The following TSPAN3 variants were observed in gnomAD, a reference collection of about 807,000 sequenced individuals.
TSPAN3 encodes tetraspanin 3.
Under a neutral mutation model 31.1 loss-of-function variants are expected in TSPAN3, and 9 were observed. That is an observed-to-expected ratio of 0.29 (90% CI 0.17 to 0.50). The LOEUF (loss-of-function observed/expected upper bound fraction) is 0.50. Ranked by LOEUF, TSPAN3 falls within the 20% of genes least tolerant of loss-of-function variation. The pLI, the probability that TSPAN3 is intolerant of heterozygous loss-of-function variation, is 0.98. For synonymous variants in TSPAN3, 129 were observed against 114.3 expected, an observed-to-expected ratio of 1.13 and a Z score of -0.82; for missense variants, 252 against 313.5, an observed-to-expected ratio of 0.80 and a Z score of 1.48.
chr15:77,051,526 C>T (rs971652205), intron 6 of TSPAN3, among the ~76,000 whole-genome samples: 5 of 142,486 alleles, frequency 3.5e-5, no homozygotes, highest in African/African-American at 1.0e-4. Context: ...AAAACTCTGT[C>T]GTAAAAAAAA....
intron 1 of TSPAN3, among the ~76,000 whole-genome samples, chr15:77,066,457 A>G (rs1342230205): frequency 6.6e-6 from 1 of 151,154 alleles, no homozygotes; most frequent in East Asian, 2.0e-4. Context: ...CTGTAGTCCC[A>G]GCTACTCGGG....
At chr15:77,067,478 T>C (rs1237802449) in intron 1 of TSPAN3, among the ~76,000 whole-genome samples, 4 of 152,204 alleles carry the variant, frequency 2.6e-5, no homozygotes, top group African/African-American at 9.7e-5. Context: ...CAATTAAACT[T>C]TGACCCTTGT....
In TSPAN3 at chr15:77,066,571, C is replaced by CAAA. The variant is rs35737479; in HGVS notation, c.63+4318_63+4320dup. Among the ~76,000 whole-genome samples, 94 of 59,376 alleles carry CAAA rather than the reference C, an allele frequency of 1.6e-3. 2 individuals are homozygous for CAAA. The highest frequency in any genetic ancestry group is 4.6e-3 in the African/African-American group (61 of 13,372). 39.0% of individuals were successfully genotyped at this position (59,376 alleles called of 152,430 possible). A position where few individuals can be genotyped will look rare whatever the true frequency, so the allele number is the denominator to read the frequency against. On this transcript the variant is annotated intron_variant, in intron 1 of 6. Coordinates refer to ENST00000267970, the MANE Select transcript of TSPAN3 (RefSeq NM_005724.6). The stretch of plus-strand genomic sequence containing the variant: ...TGGGCGACAGAGTAAGACTTCGTCT[C>CAAA]AAAAAAAAAAAAAAAAAAAAAAAAA...
intron 6 of TSPAN3, among the ~76,000 whole-genome samples, chr15:77,049,567 AAAG>A (rs1225982749): frequency 2.0e-5 from 3 of 152,220 alleles, no homozygotes; most frequent in Admixed American, 2.0e-4. Flanking sequence ...GGCTACTCTC[AAAG>A]AAGTGAAATA....
rs878868503 is a variant in TSPAN3 at position 77,046,737 on chromosome 15, C to T, written c.*98G>A. 1.1e-6 allele frequency: 1 copy of T among 888,510 alleles called. No individual in the cohort carries two copies. The highest frequency in any genetic ancestry group is 1.7e-5 in the African/African-American group (1 of 59,974). The allele number at this position is 888,510 out of a possible 1,614,324, so 55.0% of individuals were successfully genotyped here. On this transcript the variant is annotated 3_prime_UTR_variant, in exon 7 of 7. Transcript: ENST00000267970. ...TCTGTCCAACACCAGTGTACATGTGCTTTAACTAAATGAACTCCAGAGGCC... is the reference window on the plus strand; with the variant it reads ...TCTGTCCAACACCAGTGTACATGTGTTTTAACTAAATGAACTCCAGAGGCC...
Position 77,045,084 on chromosome 15 carries a change from TC to T in TSPAN3, c.*1750del, listed in dbSNP as rs1211820700. On this transcript the variant is annotated 3_prime_UTR_variant, in exon 7 of 7. Transcript: ENST00000267970. ...GACAGATCTGCATGATATTTGGGCA[TC>T]TCAAAACTGACGAGCCCAAAACTGA... 6.6e-6 allele frequency: 1 copy of T among 152,114 alleles called. No homozygotes were observed. The highest frequency in any genetic ancestry group is 2.4e-5 in the African/African-American group (1 of 41,396). 9.4% of individuals were successfully genotyped at this position (152,114 alleles called of 1,614,324 possible).
chr15:77,070,484 C>T (rs985867486), intron 1 of TSPAN3, among the ~76,000 whole-genome samples: 2 of 152,076 alleles, frequency 1.3e-5, no homozygotes, highest in Non-Finnish European at 2.9e-5. Flanking sequence ...GAGGCCCCGA[C>T]AAAGAGCGCG....
intron 3 of TSPAN3, chr15:77,055,256 G>C (rs368784188): frequency 6.6e-6 from 1 of 152,516 alleles, no homozygotes; most frequent in Non-Finnish European, 1.5e-5. Flanking sequence ...TAGAAAGGAA[G>C]GAACGGTGAA....
At position 77,052,425 on chromosome 15, in the gene TSPAN3, A is replaced by G; in HGVS notation, c.629T>C (p.Met210Thr). 1 of 1,614,222 alleles carries G rather than the reference A, an allele frequency of 6.2e-7. No individual in the cohort carries two copies. The highest frequency in any genetic ancestry group is 8.5e-7 in the Non-Finnish European group (1 of 1,180,022). ...LVVKKLQEIM[M>T]HVIWAALAFA... is the part of the protein sequence containing the mutation. ...TGCCAGTGCGGCCCAGATCACATGC[A>G]TCATGATTTCTTGTAGCTTCTTCAC... The change falls in exon 6 of 7, where the codon ATG becomes ACG. Residue 210 changes from methionine (M) to threonine (T), a missense_variant. Transcript: ENST00000267970.
At chr15:77,053,451 CAAAAA>C (rs60483848) in intron 4 of TSPAN3, among the ~76,000 whole-genome samples, 1 of 50,378 alleles carries the variant, frequency 2.0e-5, no homozygotes, top group African/African-American at 1.2e-4. Flanking sequence ...TTCGCCATCT[CAAAAA>C]AAAAAAAAAA....
intron 6 of TSPAN3, among the ~76,000 whole-genome samples, chr15:77,049,000 CAT>C (rs1437555544): frequency 2.0e-5 from 3 of 152,114 alleles, no homozygotes; most frequent in African/African-American, 7.2e-5. Flanking sequence ...ACTGTAATTT[CAT>C]AGTTACAAAT....
In TSPAN3 at chr15:77,043,167, G is replaced by C. The variant is rs2076669322; in HGVS notation, c.*3668C>G. 6.6e-6 allele frequency: 1 copy of C among 152,212 alleles called. No homozygotes were observed. Among genetic ancestry groups the C allele is most frequent in the Non-Finnish European group, 1.5e-5 (1 of 68,168 alleles). The allele number at this position is 152,212 out of a possible 1,614,324, so 9.4% of individuals were successfully genotyped here. A position where few individuals can be genotyped will look rare whatever the true frequency, so the allele number is the denominator to read the frequency against. On this transcript the variant is annotated 3_prime_UTR_variant, in exon 7 of 7. Transcript: ENST00000267970. Reference sequence around the variant, plus strand: ...CCAGTAAGTTGATTCTCCAGCATGGGACAGGCAGCATATCCCAGGCAACCA... The same window carrying C: ...CCAGTAAGTTGATTCTCCAGCATGGCACAGGCAGCATATCCCAGGCAACCA...
rs1596172438 is a variant in TSPAN3, at chr15:77,067,773, T to C, written c.63+3119A>G. ...ACTTAATTCAAAACCAAACAAAGTG[T>C]CATGTAAATTCTGGTACAGTTTCTA... is the stretch of plus-strand genomic sequence containing the variant. On this transcript the variant is annotated intron_variant, in intron 1 of 6. Transcript: ENST00000267970. The C allele has an allele frequency of 2.0e-5, 3 of 152,236 alleles. No individual in the cohort carries two copies. The East Asian group carries it at 5.8e-4, about 29-fold the overall frequency. The allele number at this position is 152,236 out of a possible 1,614,324, so 9.4% of individuals were successfully genotyped here. A position where few individuals can be genotyped will look rare whatever the true frequency, so the allele number is the denominator to read the frequency against.
rs114225309 is a variant in TSPAN3, at chr15:77,069,472, C to A, written c.63+1420G>T. ...AAATAAAATAAAATAAATAAATAAG[C>A]CTGTAACTCAAATTAAAGTATAAGA... is the stretch of plus-strand genomic sequence containing the variant. On this transcript the variant is annotated intron_variant, in intron 1 of 6. Coordinates refer to ENST00000267970, the MANE Select transcript of TSPAN3 (RefSeq NM_005724.6). Among the ~76,000 whole-genome samples the A allele has an allele frequency of 3.6e-3, 555 of 152,114 alleles. 3 individuals are homozygous for A. The highest frequency in any genetic ancestry group is 0.01 in the African/African-American group (434 of 41,464).
intron 6 of TSPAN3, among the ~76,000 whole-genome samples, chr15:77,052,159 C>T (rs1194629243): frequency 1.3e-5 from 2 of 152,206 alleles, no homozygotes; most frequent in Non-Finnish European, 2.9e-5. Context: ...GGAGTTCCCT[C>T]AACACGTGGT....
At chr15:77,051,627 T>C (rs936978161) in intron 6 of TSPAN3, among the ~76,000 whole-genome samples, 9 of 151,712 alleles carry the variant, frequency 5.9e-5, no homozygotes, top group East Asian at 1.9e-4. Context: ...AGACAGAGGA[T>C]TGCTTGAGGC....
intron 6 of TSPAN3, among the ~76,000 whole-genome samples, chr15:77,047,937 A>C (rs1213486219): frequency 6.6e-6 from 1 of 152,216 alleles, no homozygotes; most frequent in Non-Finnish European, 1.5e-5. Flanking sequence ...AAGATTAACC[A>C]CTACTAAGAC....
rs1330361003 is a variant in TSPAN3 at position 77,041,629 on chromosome 15, C to T, written c.*5206G>A. On this transcript the variant is annotated 3_prime_UTR_variant, in exon 7 of 7. Transcript: ENST00000267970. ...TGAACTCCTGATCTCAAGTGACCCACCTGTCTCGACCTCCCAAAGTGCTAT... is the reference window on the plus strand; with the variant it reads ...TGAACTCCTGATCTCAAGTGACCCATCTGTCTCGACCTCCCAAAGTGCTAT... The T allele has an allele frequency of 6.6e-6, 1 of 152,132 alleles. No individual in the cohort carries two copies. The highest frequency in any genetic ancestry group is 1.5e-5 in the Non-Finnish European group (1 of 68,048). 9.4% of individuals were successfully genotyped at this position (152,132 alleles called of 1,614,324 possible).
At position 77,048,918 on chromosome 15, in the gene TSPAN3, T is replaced by C. The variant is rs560790578; in HGVS notation, c.670-1991A>G. On this transcript the variant is annotated intron_variant, in intron 6 of 6. Transcript: ENST00000267970. ...CATTCTTATACAAAAATAAGAACTT[T>C]TGCACATTAGAAACACTCTTTTCTG... 3.9e-5 allele frequency among the ~76,000 whole-genome samples: 6 copies of C among 152,316 alleles called. No homozygotes were observed. In the East Asian group the frequency reaches 5.8e-4, roughly 15 times the overall value.
Sources: allele counts gnomAD v4.1 joint callset (sites outside exome capture counted in the v4.1 genomes callset), GRCh38; gene constraint gnomAD v4.1.1; transcripts MANE v1.5; gene names NCBI Gene and HGNC (gene_info 2026-07-23, HGNC 2026-07-21).